BBX: variants seen among roughly 807,000 people sequenced by gnomAD.
BBX encodes HMG box transcription factor BBX.
BBX carries 30 observed loss-of-function variants against 100.2 expected under a neutral mutation model. The ratio of observed to expected loss-of-function variants is 0.30; its 90% CI spans 0.22 to 0.41. BBX has a LOEUF of 0.41. BBX is among the 10% of genes least tolerant of loss of function. The pLI is 1.00. For missense variants in BBX, 1,023 were observed against 1,129.8 expected (o/e 0.91, Z 1.35); for synonymous variants, 376 against 388.1 (o/e 0.97, Z 0.37).
intron 3 of BBX, among the ~76,000 whole-genome samples, chr3:107,702,796 C>A (rs1310830005): frequency 1.3e-5 from 2 of 152,104 alleles, no homozygotes; most frequent in African/African-American, 4.8e-5. Context: ...GCAAACACAG[C>A]CTTTTAGAAA....
intron 2 of BBX, among the ~76,000 whole-genome samples, chr3:107,531,539 A>T (rs950486213): frequency 1.3e-5 from 2 of 148,452 alleles, no homozygotes; most frequent in Admixed American, 6.7e-5. Flanking sequence ...ATCTCACCCT[A>T]CCCTCCACTG....
intron 1 of BBX, chr3:107,524,590 G>A (rs989400488): frequency 9.2e-6 from 1 of 109,200 alleles, no homozygotes; most frequent in Non-Finnish European, 1.7e-5. Flanking sequence ...GATGCAAAAA[G>A]CTAAGACACA....
At chr3:107,769,933 T>A (rs2066759100) in intron 10 of BBX, among the ~76,000 whole-genome samples, 1 of 152,196 alleles carries the variant, frequency 6.6e-6, no homozygotes. Context: ...TAGTTTTAAT[T>A]CAGAGTTATT....
intron 6 of BBX, among the ~76,000 whole-genome samples, 173 bp downstream of exon 6, chr3:107,729,133 T>C (rs1227291430): frequency 1.3e-5 from 2 of 152,126 alleles, no homozygotes; most frequent in African/African-American, 4.8e-5. Flanking sequence ...ATACAGGTAA[T>C]TTAAAAAAGG....
intron 10 of BBX, among the ~76,000 whole-genome samples, chr3:107,769,020 G>T (rs2066632829): frequency 8.0e-6 from 1 of 125,702 alleles, no homozygotes; most frequent in African/African-American, 3.0e-5. Context: ...CGGGGGGGGG[G>T]AGCCGGGCAT....
intron 12 of BBX, among the ~76,000 whole-genome samples, chr3:107,777,182 A>G (rs1049405152): frequency 1.3e-5 from 2 of 152,182 alleles, no homozygotes; most frequent in Admixed American, 6.6e-5. Context: ...TACAATATGC[A>G]TGTATAGGAA....
chr3:107,768,737 A>C (rs1475548681), intron 10 of BBX, among the ~76,000 whole-genome samples: 1 of 74,218 alleles, frequency 1.3e-5, no homozygotes, highest in Non-Finnish European at 2.7e-5. Context: ...TACAAGCCAG[A>C]AATGTGACCT....
intron 2 of BBX, among the ~76,000 whole-genome samples, chr3:107,589,069 CATTTG>C (rs1296106367): frequency 6.6e-6 from 1 of 152,134 alleles, no homozygotes; most frequent in Non-Finnish European, 1.5e-5. Flanking sequence ...ATGAACCTTC[CATTTG>C]ACCTTTTTTA....
At chr3:107,546,795 A>G (rs9814405) in intron 2 of BBX, among the ~76,000 whole-genome samples, 38,143 of 152,074 alleles carry the variant, frequency 0.25, 5,897 homozygotes, top group South Asian at 0.39. Flanking sequence ...TAAATGTAAT[A>G]TAGTTACTGT....
intron 2 of BBX, among the ~76,000 whole-genome samples, chr3:107,534,586 G>T (rs1286299563): frequency 6.6e-6 from 1 of 152,094 alleles, no homozygotes; most frequent in Non-Finnish European, 1.5e-5. Flanking sequence ...GGAATAGGGA[G>T]TTGAGCTTTC....
intron 7 of BBX, among the ~76,000 whole-genome samples, chr3:107,744,200 TTAAA>T (rs1425807887): frequency 1.3e-5 from 2 of 152,112 alleles, no homozygotes; most frequent in Admixed American, 1.3e-4. Flanking sequence ...GGATAATGCA[TTAAA>T]TAAAGTCTCT....
chr3:107,659,407 A>G (rs1376707395), intron 3 of BBX, among the ~76,000 whole-genome samples: 1 of 152,096 alleles, frequency 6.6e-6, no homozygotes, highest in East Asian at 1.9e-4. Context: ...ATATTTATGT[A>G]TAATTTTTTG....
At chr3:107,575,022 C>G (rs1013755691) in intron 2 of BBX, among the ~76,000 whole-genome samples, 1 of 152,110 alleles carries the variant, frequency 6.6e-6, no homozygotes, top group Non-Finnish European at 1.5e-5. Flanking sequence ...TCACATAAAC[C>G]CACAAAAAGG....
chr3:107,734,773 A>G (rs1351599732), intron 7 of BBX, among the ~76,000 whole-genome samples: 2 of 152,040 alleles, frequency 1.3e-5, no homozygotes, highest in Admixed American at 6.5e-5. Flanking sequence ...CTTTTTGCTT[A>G]AAGTTTGCCT....
intron 1 of BBX, 108 bp downstream of exon 1, chr3:107,523,215 A>AGCAGCG (rs2047483817): frequency 4.6e-6 from 1 of 218,210 alleles, no homozygotes; most frequent in Non-Finnish European, 9.2e-6. Flanking sequence ...CCGCGGCAGG[A>AGCAGCG]GCAGCGGCGG....
intron 5 of BBX, 108 bp downstream of exon 5, chr3:107,716,957 T>A: frequency 3.6e-5 from 47 of 1,317,458 alleles, no homozygotes; most frequent in Non-Finnish European, 4.5e-5. Context: ...AGAAGGTGAA[T>A]CATAAATGAG....
At chr3:107,718,218 AATT>A (rs1436019516) in intron 5 of BBX, among the ~76,000 whole-genome samples, 1 of 147,792 alleles carries the variant, frequency 6.8e-6, no homozygotes, top group African/African-American at 2.5e-5. Flanking sequence ...ATATTAGTAT[AATT>A]ATTAATTTTA....
At chr3:107,720,171 T>A (rs1342413843) in intron 5 of BBX, among the ~76,000 whole-genome samples, 1 of 152,026 alleles carries the variant, frequency 6.6e-6, no homozygotes, top group African/African-American at 2.4e-5. Flanking sequence ...AAGGAGTTAG[T>A]GTCTTGACCA....
At chr3:107,680,132 G>T (rs1175457718) in intron 3 of BBX, among the ~76,000 whole-genome samples, 1 of 152,122 alleles carries the variant, frequency 6.6e-6, no homozygotes, top group African/African-American at 2.4e-5. Flanking sequence ...TGACAAGTGA[G>T]CCCTATTTTT....
Sources: allele counts gnomAD v4.1 joint callset (sites outside exome capture counted in the v4.1 genomes callset), GRCh38; gene constraint gnomAD v4.1.1; transcripts MANE v1.5; gene names NCBI Gene and HGNC (gene_info 2026-07-23, HGNC 2026-07-21).